The following LRIG1 variants were observed in gnomAD, a reference collection of about 807,000 sequenced individuals.
LRIG1 encodes leucine rich repeats and immunoglobulin like domains 1.
A neutral mutation model predicts 99.2 loss-of-function variants in LRIG1; 48 were observed. The observed-to-expected ratio is 0.48, with a 90% confidence interval of 0.38 to 0.62. LRIG1 has a LOEUF of 0.62. Among genes scored for constraint, LRIG1 ranks in the 20% least tolerant of loss-of-function variants. LRIG1 has a pLI of 0.00. For synonymous variants in LRIG1, 772 were observed against 596.1 expected (o/e 1.29, Z -4.30); for missense variants, 1,646 against 1,434.4 (o/e 1.15, Z -2.38).
intron 2 of LRIG1, among the ~76,000 whole-genome samples, chr3:66,458,771 T>C (rs768079495): frequency 1.3e-5 from 2 of 151,636 alleles, no homozygotes; most frequent in Non-Finnish European, 2.9e-5. Context: ...AATCCTAGCA[T>C]TTTGGGAGGC....
intron 9 of LRIG1, among the ~76,000 whole-genome samples, chr3:66,404,889 AG>A (rs969158989): frequency 3.9e-5 from 6 of 152,224 alleles, no homozygotes; most frequent in African/African-American, 1.4e-4. Flanking sequence ...CTTTGTACAA[AG>A]GGCAACAGCA....
At chr3:66,405,357 G>A (rs948927285) in intron 8 of LRIG1, 79 bp from the exon 9 acceptor site, 20 of 1,141,160 alleles carry the variant, frequency 1.8e-5, no homozygotes, top group African/African-American at 6.1e-5. Flanking sequence ...CCTGCTGCTC[G>A]GAAGCTGAAG....
intron 9 of LRIG1, among the ~76,000 whole-genome samples, chr3:66,403,791 C>G (rs961793790): frequency 6.6e-6 from 1 of 152,222 alleles, no homozygotes; most frequent in African/African-American, 2.4e-5. Flanking sequence ...CACGAGGAAC[C>G]TGGCAGTGCT....
At chr3:66,386,363 T>TG (rs1300577754) in intron 12 of LRIG1, 62 bp from the exon 13 acceptor site, 2 of 1,410,614 alleles carry the variant, frequency 1.4e-6, no homozygotes, top group Non-Finnish European at 9.8e-7. Context: ...AACCAGCTGC[T>TG]GTTCATGCTA....
chr3:66,397,968 T>G lies in LRIG1; in HGVS notation c.1304+144A>C, dbSNP rs1701919176. 10 of 654,944 alleles carry G rather than the reference T, an allele frequency of 1.5e-5. No individual in the cohort carries two copies. The East Asian group carries it at 2.7e-4, about 18-fold the overall frequency. 40.6% of individuals were successfully genotyped at this position (654,944 alleles called of 1,614,324 possible). ...CTGCTGCAATGATGCAATCAAGTAG[T>G]CATGACAGAGACTCTGTGGCCCACA... On this transcript the variant is annotated intron_variant, in intron 11 of 18. Transcript: ENST00000273261.
intron 12 of LRIG1, 148 bp from the exon 13 acceptor site, chr3:66,386,449 GC>G (rs1203976077): frequency 6.6e-5 from 44 of 661,792 alleles, no homozygotes; most frequent in South Asian, 3.3e-4. Flanking sequence ...CCAACCAGAT[GC>G]CGTAAGAGTT....
intron 1 of LRIG1, among the ~76,000 whole-genome samples, chr3:66,482,094 C>T (rs1183040387): frequency 1.3e-5 from 2 of 152,264 alleles, no homozygotes; most frequent in Non-Finnish European, 2.9e-5. Context: ...ACCGGGCAGC[C>T]TGGGCACAGG....
chr3:66,452,627 T>C (rs1196448152), intron 2 of LRIG1, among the ~76,000 whole-genome samples: 1 of 152,216 alleles, frequency 6.6e-6, no homozygotes, highest in East Asian at 1.9e-4. Flanking sequence ...CAGAGCATCC[T>C]GTTTCTGTTT....
At chr3:66,412,472 C>T (rs1026886911) in intron 6 of LRIG1, among the ~76,000 whole-genome samples, 4 of 152,244 alleles carry the variant, frequency 2.6e-5, no homozygotes, top group Admixed American at 2.6e-4. Context: ...TCCGCTGAAA[C>T]TTCCCCCAAG....
At chr3:66,474,104 A>G (rs1047314300) in intron 1 of LRIG1, among the ~76,000 whole-genome samples, 1 of 152,170 alleles carries the variant, frequency 6.6e-6, no homozygotes, top group Non-Finnish European at 1.5e-5. Flanking sequence ...AGCATGCATT[A>G]TTGTACACAG....
At chr3:66,414,030 T>A (rs1350771377) in intron 5 of LRIG1, among the ~76,000 whole-genome samples, 1 of 151,976 alleles carries the variant, frequency 6.6e-6, no homozygotes, top group Non-Finnish European at 1.5e-5. Context: ...GAGCTTTACT[T>A]GAATCTAAAA....
At chr3:66,381,145 G>A (rs1336048173) in intron 17 of LRIG1, among the ~76,000 whole-genome samples, 2 of 152,212 alleles carry the variant, frequency 1.3e-5, no homozygotes, top group East Asian at 1.9e-4. Context: ...ACCATGCAGT[G>A]TTGGGTCTTT....
At chr3:66,420,760 G>T (rs892162872) in intron 3 of LRIG1, among the ~76,000 whole-genome samples, 4 of 152,246 alleles carry the variant, frequency 2.6e-5, no homozygotes, top group Non-Finnish European at 4.4e-5. Flanking sequence ...ACAGAAAGTA[G>T]AATGGTGGTG....
At chr3:66,401,463 T>G in intron 9 of LRIG1, 1 of 490,012 alleles carries the variant, frequency 2.0e-6, no homozygotes, top group Non-Finnish European at 3.5e-6. Flanking sequence ...CTTTATTTCA[T>G]CCATTAAATA....
chr3:66,479,547 C>A (rs1358958957), intron 1 of LRIG1, among the ~76,000 whole-genome samples: 7 of 152,210 alleles, frequency 4.6e-5, no homozygotes, highest in Admixed American at 4.6e-4. Flanking sequence ...ATACCCCAAG[C>A]TGCTTGAAAT....
Position 66,386,001 on chromosome 3 carries a change from T to C in LRIG1, c.1769A>G (p.Lys590Arg), listed in dbSNP as rs748682539. The change falls in exon 13 of 19, where the codon AAG (lysine) becomes AGG (arginine). Residue 590 changes from lysine (K) to arginine (R), a missense_variant. Lys to Arg is a conservative substitution (Grantham distance 26, BLOSUM62 2). Transcript: ENST00000273261. ...TNHFGSTYSH[K>R]ARLTVNVLPS... ...CATACCATTCACGGTGAGCCTGGCC[T>C]TATGTGAATAGGTGGAGCCAAAGTG... 1.2e-6 allele frequency: 2 copies of C among 1,614,004 alleles called. No individual in the cohort carries two copies. The highest frequency in any genetic ancestry group is 2.2e-5 in the South Asian group (2 of 91,080).
At chr3:66,484,238 T>C (rs1250319384) in intron 1 of LRIG1, among the ~76,000 whole-genome samples, 3 of 152,080 alleles carry the variant, frequency 2.0e-5, no homozygotes, top group African/African-American at 4.8e-5. Context: ...CCACAGGACA[T>C]ACAGGACTCT....
intron 11 of LRIG1, 32 bp downstream of exon 11, chr3:66,398,080 A>G (rs527705795): frequency 4.5e-6 from 7 of 1,557,872 alleles, no homozygotes; most frequent in Admixed American, 1.7e-5. Context: ...CTCCACTACC[A>G]TTAATCAGAC....
At chr3:66,462,027 A>T (rs996149668) in intron 2 of LRIG1, among the ~76,000 whole-genome samples, 1 of 152,172 alleles carries the variant, frequency 6.6e-6, no homozygotes, top group African/African-American at 2.4e-5. Context: ...CGCAGATCAC[A>T]TGAGGCCAGA....
Sources: gnomAD v4.1 joint callset for allele counts (sites outside exome capture counted in the v4.1 genomes callset) on GRCh38, gnomAD v4.1.1 for gene constraint, MANE v1.5 for transcripts, NCBI Gene and HGNC (gene_info 2026-07-23, HGNC 2026-07-21) for gene names.